The following GMCL1 variants were observed in gnomAD, a reference collection of about 807,000 sequenced individuals.
The protein encoded by GMCL1 is germ cell-less 1, spermatogenesis associated, also known as germ cell-less protein-like 1.
A neutral mutation model predicts 75.5 loss-of-function variants in GMCL1; 54 were observed. The observed-to-expected ratio is 0.71, with a 90% CI of 0.57 to 0.90. The LOEUF is 0.90. Ranked by LOEUF, GMCL1 falls within the 40% of genes least tolerant of loss-of-function variation. The pLI, the probability that GMCL1 is intolerant of heterozygous loss-of-function variation, is 0.00. For synonymous variants in GMCL1, 210 were observed against 209.6 expected (o/e 1.00, Z -0.02); for missense variants, 537 against 622.7 (o/e 0.86, Z 1.47).
chr2:69,855,415 T>C (rs1483083644), intron 9 of GMCL1, among the ~76,000 whole-genome samples: 2 of 152,008 alleles, frequency 1.3e-5, no homozygotes, highest in Non-Finnish European at 2.9e-5. Flanking sequence ...TTGAAATAAC[T>C]ACTGATTTAC....
chr2:69,838,040 G>T (rs542286123), intron 2 of GMCL1, among the ~76,000 whole-genome samples: 1 of 152,106 alleles, frequency 6.6e-6, no homozygotes, highest in Non-Finnish European at 1.5e-5. Context: ...CATCTGAAAT[G>T]TTGCTTTGTA....
intron 8 of GMCL1, among the ~76,000 whole-genome samples, chr2:69,853,319 A>G (rs1181158608): frequency 6.6e-6 from 1 of 152,212 alleles, no homozygotes; most frequent in Non-Finnish European, 1.5e-5. Flanking sequence ...AGTGAAGTTA[A>G]CTATTAATTT....
At chr2:69,875,747 T>C (rs1247111390) in intron 13 of GMCL1, among the ~76,000 whole-genome samples, 1 of 151,988 alleles carries the variant, frequency 6.6e-6, no homozygotes, top group Non-Finnish European at 1.5e-5. Context: ...CAGGCTGGAA[T>C]GCAGTGGCGT....
At chr2:69,839,636 C>T (rs1674925157) in intron 3 of GMCL1, 83 bp downstream of exon 3, 3 of 924,820 alleles carry the variant, frequency 3.2e-6, no homozygotes, top group Admixed American at 4.1e-5. Context: ...TAATTCCTTC[C>T]AGCCTTGTAG....
chr2:69,867,005 C>T (rs35084691), intron 11 of GMCL1, among the ~76,000 whole-genome samples: 34,873 of 151,542 alleles, frequency 0.23, 4,350 homozygotes, highest in East Asian at 0.37. Flanking sequence ...AGTGTAGTGG[C>T]ATGATCATGA....
At chr2:69,845,785 A>G (rs1425264671) in intron 6 of GMCL1, among the ~76,000 whole-genome samples, 1 of 152,162 alleles carries the variant, frequency 6.6e-6, no homozygotes, top group African/African-American at 2.4e-5. Flanking sequence ...GCTAGCAGTT[A>G]ACTTTTGAAG....
intron 7 of GMCL1, 61 bp downstream of exon 7, chr2:69,847,688 G>A: frequency 1.1e-6 from 1 of 949,774 alleles, no homozygotes; most frequent in Non-Finnish European, 1.7e-6. Flanking sequence ...GCGTATAATG[G>A]TGAAAAACTG....
intron 11 of GMCL1, among the ~76,000 whole-genome samples, chr2:69,869,386 C>T (rs950342940): frequency 7.1e-6 from 1 of 140,884 alleles, no homozygotes; most frequent in African/African-American, 2.7e-5. Flanking sequence ...CCACTGCACT[C>T]CAGCCTGAGT....
intron 6 of GMCL1, 55 bp from the exon 7 acceptor site, chr2:69,847,488 G>T (rs1438840457): frequency 9.6e-7 from 1 of 1,041,362 alleles, no homozygotes; most frequent in African/African-American, 1.6e-5. Context: ...TTTCTACCAG[G>T]ATCCTTTAGC....
intron 1 of GMCL1, among the ~76,000 whole-genome samples, chr2:69,833,337 A>G (rs1232259683): frequency 6.6e-6 from 1 of 152,166 alleles, no homozygotes; most frequent in African/African-American, 2.4e-5. Flanking sequence ...AAGACGGGCC[A>G]GGCGTGGTGG....
Position 69,841,373 on chromosome 2 carries a change from A to G in GMCL1, c.579+334A>G, listed in dbSNP as rs188295861. 6.5e-5 allele frequency among the ~76,000 whole-genome samples: 9 copies of G among 137,512 alleles called. No individual in the cohort carries two copies. In the South Asian group the frequency reaches 1.5e-3, roughly 22 times the overall value. 90.2% of individuals were successfully genotyped at this position (137,512 alleles called of 152,430 possible). The stretch of plus-strand genomic sequence containing the variant: ...TTAAGCAGATGGCTTATGATTACCA[A>G]TTAATTTCATTCATGGGTTCAAATA... On this transcript the variant is annotated intron_variant, in intron 4 of 13. Coordinates refer to ENST00000282570, the MANE Select transcript of GMCL1 (RefSeq NM_178439.5).
chr2:69,872,271 C>T (rs1309689374), intron 13 of GMCL1, among the ~76,000 whole-genome samples: 6 of 152,256 alleles, frequency 3.9e-5, no homozygotes, highest in Non-Finnish European at 5.9e-5. Context: ...CCATTAGGTT[C>T]GTAAGATGGC....
intron 12 of GMCL1, among the ~76,000 whole-genome samples, chr2:69,870,675 C>CT (rs1338015800): frequency 2.0e-5 from 3 of 152,038 alleles, no homozygotes; most frequent in African/African-American, 7.3e-5. Context: ...AAAAAGAAAA[C>CT]TCAACTCAGC....
Position 69,869,752 on chromosome 2 carries a change from T to A in GMCL1, c.1252T>A (p.Phe418Ile). The change falls in exon 12 of 14, where the codon TTC becomes ATC. Residue 418 changes from phenylalanine (F) to isoleucine (I), a missense_variant. By Grantham distance (21) the Phe-to-Ile change is conservative. Transcript: ENST00000282570. ...CWRWTGFNFG[F>I]DLLVTYTNRY... The stretch of plus-strand genomic sequence containing the variant: ...GCGTTGGACAGGTTTTAACTTCGGC[T>A]TCGACCTACTTGTAACTTACACCAA... The A allele has an allele frequency of 6.2e-7, 1 of 1,614,060 alleles. No individual in the cohort carries two copies. The highest frequency in any genetic ancestry group is 8.5e-7 in the Non-Finnish European group (1 of 1,179,992).
chr2:69,873,108 T>C (rs1676029017), intron 13 of GMCL1, among the ~76,000 whole-genome samples: 1 of 152,112 alleles, frequency 6.6e-6, no homozygotes, highest in Non-Finnish European at 1.5e-5. Flanking sequence ...GGGGTGGTTA[T>C]TGGAGGAGGA....
At chr2:69,832,630 T>TA (rs776314902) in intron 1 of GMCL1, among the ~76,000 whole-genome samples, 5 of 152,244 alleles carry the variant, frequency 3.3e-5, no homozygotes, top group Non-Finnish European at 5.9e-5. Flanking sequence ...TTTCACTTTT[T>TA]ACCTGTGTAT....
chr2:69,833,559 T>C (rs1055590573), intron 1 of GMCL1, among the ~76,000 whole-genome samples: 1 of 152,236 alleles, frequency 6.6e-6, no homozygotes, highest in South Asian at 2.1e-4. Context: ...GAGGTTGTAG[T>C]GAGCCAAGAT....
In GMCL1 at chr2:69,839,464, A is replaced by T. The variant is rs369531799; in HGVS notation, c.392A>T (p.Tyr131Phe). 2.5e-6 allele frequency: 4 copies of T among 1,576,048 alleles called. No individual in the cohort carries two copies. The highest frequency in any genetic ancestry group is 2.7e-5 in the African/African-American group (2 of 73,756). ...CTTTTTTTTTTGTTTAAGTCTGGCT[A>T]CTTTTCTAGTATGTTCAGTGGTTCT... ...LHKIYLCQSG[Y>F]FSSMFSGSWK... Residue 131 changes from tyrosine to phenylalanine, a missense_variant, in exon 3 of 14, where the codon TAC becomes TTC. This residue lies in a region of GMCL1 where 48 missense variants were observed against 85.0 expected (regional missense o/e 0.56). Transcript: ENST00000282570.
At chr2:69,863,396 C>T (rs981651883) in intron 10 of GMCL1, among the ~76,000 whole-genome samples, 1 of 152,186 alleles carries the variant, frequency 6.6e-6, no homozygotes, top group Non-Finnish European at 1.5e-5. Context: ...GAGGAAGACA[C>T]TATATTCCCT....
Sources: allele counts gnomAD v4.1 joint callset (sites outside exome capture counted in the v4.1 genomes callset), GRCh38; gene constraint gnomAD v4.1.1; regional missense constraint gnomAD v4.1.1; transcripts MANE v1.5; gene names NCBI Gene and HGNC (gene_info 2026-07-23, HGNC 2026-07-21).